TRAPPC9: variants seen among roughly 807,000 people sequenced by gnomAD.
TRAPPC9 encodes the protein IKK2 binding protein.
A neutral mutation model predicts 124.0 loss-of-function variants in TRAPPC9; 83 were observed. That is an observed-to-expected ratio of 0.67 (90% CI 0.56 to 0.80). TRAPPC9 has a LOEUF of 0.80. Among genes scored for constraint, TRAPPC9 ranks in the 30% least tolerant of loss-of-function variants. The probability of loss-of-function intolerance (pLI) is 0.00; values close to 1 mark genes in which losing one functional copy is unlikely to be tolerated. For missense variants in TRAPPC9, 1,302 were observed against 1,508.3 expected (o/e 0.86, Z 2.27); for synonymous variants, 638 against 617.5 (o/e 1.03, Z -0.49).
intron 10 of TRAPPC9, 141 bp from the exon 11 acceptor site, chr8:140,300,755 G>A: frequency 1.0e-6 from 1 of 988,438 alleles, no homozygotes; most frequent in Non-Finnish European, 1.6e-6. Context: ...GCACTCCGAG[G>A]CATCAGGACA....
At chr8:139,938,638 G>A (rs1337293925) in intron 19 of TRAPPC9, among the ~76,000 whole-genome samples, 6 of 150,318 alleles carry the variant, frequency 4.0e-5, no homozygotes, top group Admixed American at 1.3e-4. Flanking sequence ...AGCTATACCC[G>A]ATTAATTTTT....
chr8:140,370,006 G>A (rs1233273011), intron 8 of TRAPPC9, among the ~76,000 whole-genome samples: 1 of 152,022 alleles, frequency 6.6e-6, no homozygotes, highest in Non-Finnish European at 1.5e-5. Context: ...TTGCCCTGGT[G>A]GGAAATTAAC....
intron 21 of TRAPPC9, among the ~76,000 whole-genome samples, chr8:139,735,041 A>G (rs914683161): frequency 2.0e-5 from 3 of 152,206 alleles, no homozygotes; most frequent in African/African-American, 7.2e-5. Flanking sequence ...TGGGCTATGT[A>G]TAGTGCCCCT....
At chr8:140,022,495 T>G (rs536259099) in intron 18 of TRAPPC9, among the ~76,000 whole-genome samples, 22 of 152,136 alleles carry the variant, frequency 1.4e-4, no homozygotes, top group Non-Finnish European at 2.8e-4. Flanking sequence ...AACTGTCATT[T>G]AGAACTGCAG....
upstream of TRAPPC9, chr8:140,458,540 G>C (rs2071793900): frequency 6.3e-7 from 1 of 1,581,868 alleles, no homozygotes; most frequent in Non-Finnish European, 8.6e-7. Flanking sequence ...TGTGGCGCGC[G>C]GTCTTGATCC....
intron 17 of TRAPPC9, among the ~76,000 whole-genome samples, chr8:140,086,371 A>G (rs1844185713): frequency 1.3e-5 from 2 of 152,140 alleles, no homozygotes; most frequent in African/African-American, 2.4e-5. Context: ...CAGGTGAGGC[A>G]GTCGGTTGAA....
chr8:140,351,589 C>T (rs377747149), intron 9 of TRAPPC9, among the ~76,000 whole-genome samples: 3 of 151,992 alleles, frequency 2.0e-5, no homozygotes, highest in Non-Finnish European at 4.4e-5. Context: ...AGCAACAAGG[C>T]GAGACCTCAT....
At chr8:140,458,114 G>A (rs1282304697), upstream of TRAPPC9, among the ~76,000 whole-genome samples, 8 of 141,144 alleles carry the variant, frequency 5.7e-5, no homozygotes, top group Admixed American at 4.1e-4. Flanking sequence ...AGGGAAAAAG[G>A]AGGGGTGAAA....
At chr8:140,166,262 T>C (rs1227328762) in intron 17 of TRAPPC9, among the ~76,000 whole-genome samples, 3 of 152,152 alleles carry the variant, frequency 2.0e-5, no homozygotes, top group African/African-American at 7.2e-5. Context: ...ATCACACCAA[T>C]ATCCAGATGT....
chr8:139,997,585 C>A (rs1554603681), intron 18 of TRAPPC9, among the ~76,000 whole-genome samples: 75,779 of 120,326 alleles, frequency 0.63, 27,153 homozygotes, highest in East Asian at 0.88. Context: ...TGCATCCTAC[C>A]CAGGGGAGAC....
Position 140,435,130 on chromosome 8 carries a change from C to G in TRAPPC9, c.841G>C (p.Ala281Pro), listed in dbSNP as rs1186229387. 6.2e-7 allele frequency: 1 copy of G among 1,614,084 alleles called. No individual in the cohort carries two copies. ...FQGSTLPAEA[A>P]NRHRPGAQEV... ...AGCTCACCTGGCCGGTGTCTATTGGCTGCTTCAGCAGGAAGGGTGCTGCCC... is the reference window on the plus strand; with the variant it reads ...AGCTCACCTGGCCGGTGTCTATTGGGTGCTTCAGCAGGAAGGGTGCTGCCC... The change falls in exon 4 of 23, where the codon GCC becomes CCC. Residue 281 changes from alanine to proline, a missense_variant. By Grantham distance (27) the Ala-to-Pro change is conservative. Around this residue, in one of 3 missense-constraint regions of TRAPPC9, gnomAD observed 657 missense variants for 811.2 expected, o/e 0.81. Coordinates refer to ENST00000438773, the MANE Select transcript of TRAPPC9 (RefSeq NM_001160372.4).
chr8:140,197,645 A>G (rs1461294392), intron 17 of TRAPPC9, among the ~76,000 whole-genome samples: 1 of 152,152 alleles, frequency 6.6e-6, no homozygotes, highest in African/African-American at 2.4e-5. Flanking sequence ...ACGTATTGAC[A>G]TTTGGGCCAC....
intron 21 of TRAPPC9, among the ~76,000 whole-genome samples, chr8:139,819,415 C>T (rs542366495): frequency 6.6e-6 from 1 of 152,168 alleles, no homozygotes; most frequent in African/African-American, 2.4e-5. Context: ...GCATCCCCCA[C>T]CACTGTCCAT....
intron 17 of TRAPPC9, among the ~76,000 whole-genome samples, chr8:140,161,084 C>T (rs1437610653): frequency 1.3e-5 from 2 of 152,166 alleles, no homozygotes; most frequent in Non-Finnish European, 2.9e-5. Flanking sequence ...TAAGAACTGA[C>T]AGACCCTAGA....
chr8:140,071,925 C>CA (rs2129819363), intron 17 of TRAPPC9, among the ~76,000 whole-genome samples: 1 of 152,300 alleles, frequency 6.6e-6, no homozygotes, highest in East Asian at 1.9e-4. Flanking sequence ...GCACTGGAGT[C>CA]AATCAGTGCG....
intron 19 of TRAPPC9, among the ~76,000 whole-genome samples, chr8:139,952,211 CA>C (rs1353021481): frequency 6.6e-6 from 1 of 152,144 alleles, no homozygotes; most frequent in East Asian, 1.9e-4. Flanking sequence ...AGATTAATAG[CA>C]AATTGCATGC....
intron 17 of TRAPPC9, among the ~76,000 whole-genome samples, chr8:140,152,326 C>G (rs1344023891): frequency 6.8e-6 from 1 of 146,630 alleles, no homozygotes; most frequent in Non-Finnish European, 1.5e-5. Flanking sequence ...TGCATTGAAC[C>G]TGTAAATCAG....
chr8:140,356,311 G>A (rs1057344400), intron 9 of TRAPPC9, among the ~76,000 whole-genome samples: 6 of 152,218 alleles, frequency 3.9e-5, no homozygotes, highest in African/African-American at 1.2e-4. Flanking sequence ...CCGAGCACGT[G>A]GGGCTGGGAA....
At chr8:140,272,625 C>T (rs1301567875) in intron 15 of TRAPPC9, among the ~76,000 whole-genome samples, 2 of 152,116 alleles carry the variant, frequency 1.3e-5, no homozygotes, top group East Asian at 1.9e-4. Flanking sequence ...CATAGTTCCA[C>T]ATCCTGTACA....
Sources: allele counts gnomAD v4.1 joint callset (sites outside exome capture counted in the v4.1 genomes callset), GRCh38; gene constraint gnomAD v4.1.1; regional missense constraint gnomAD v4.1.1; transcripts MANE v1.5; gene names NCBI Gene and HGNC (gene_info 2026-07-23, HGNC 2026-07-21).